Variants in CIROP observed in about 807,000 individuals in gnomAD.
The protein encoded by CIROP is leishmanolysin homolog.
chr14:23,101,292 C>T, the CIROP span: 1 of 493,714 alleles, frequency 2.0e-6, no homozygotes, highest in East Asian at 3.1e-5. Context: ...TGGTACCCAC[C>T]TGTATAACCT....
chr14:23,099,577 G>A, the CIROP span: 1 of 211,034 alleles, frequency 4.7e-6, no homozygotes, highest in African/African-American at 5.6e-5. Flanking sequence ...TTTTTTTTTT[G>A]GAGACAAGGT....
At chr14:23,104,944 A>G in the CIROP span, 1 of 675,262 alleles carries the variant, frequency 1.5e-6, no homozygotes, top group Non-Finnish European at 2.7e-6. Flanking sequence ...CTCTCCGTAG[A>G]TACAGCCTGG....
At chr14:23,103,742 G>A in the CIROP span, 1 of 703,016 alleles carries the variant, frequency 1.4e-6, no homozygotes, top group Non-Finnish European at 2.6e-6. Flanking sequence ...TTGGACCCCA[G>A]GCCCATCTGG....
the CIROP span, chr14:23,102,223 C>T: frequency 8.5e-6 from 6 of 702,904 alleles, no homozygotes; most frequent in East Asian, 1.1e-4. Flanking sequence ...CATTAAAGAA[C>T]CCTGGAGTAG....
the CIROP span, chr14:23,100,540 C>T: frequency 2.4e-6 from 1 of 411,916 alleles, no homozygotes; most frequent in Non-Finnish European, 4.4e-6. Context: ...CTCCATGATA[C>T]ACTTCTAGGG....
At chr14:23,104,225 T>C in the CIROP span, 1 of 638,032 alleles carries the variant, frequency 1.6e-6, no homozygotes, top group Non-Finnish European at 2.8e-6. Flanking sequence ...GATTTCAGTG[T>C]TGTTGACTCA....
At chr14:23,104,362 C>G in the CIROP span, 1 of 702,264 alleles carries the variant, frequency 1.4e-6, no homozygotes, top group South Asian at 1.5e-5. Flanking sequence ...GAATTACATA[C>G]ATTGTCAACG....
At chr14:23,099,388 G>T in the CIROP span, 1,838 of 413,404 alleles carry the variant, frequency 4.4e-3, 59 homozygotes, top group East Asian at 0.049. Context: ...CTGGTAGGCT[G>T]TGGTTCCCAT....
the CIROP span, chr14:23,100,384 T>G: frequency 2.4e-6 from 1 of 412,132 alleles, no homozygotes; most frequent in Non-Finnish European, 4.4e-6. Flanking sequence ...TAGGGATCTT[T>G]GTTCTCTGAA....
At chr14:23,101,213 G>A in the CIROP span, 298,644 of 427,532 alleles carry the variant, frequency 0.7, 108,665 homozygotes, top group East Asian at 0.81. Context: ...ATCAAAACAG[G>A]TTGGACAGTA....
At chr14:23,102,826 T>A in the CIROP span, 1 of 662,202 alleles carries the variant, frequency 1.5e-6, no homozygotes, top group Non-Finnish European at 2.7e-6. Flanking sequence ...CACCTTCTAT[T>A]CCATCCTCTG....
the CIROP span, chr14:23,104,869 C>T: frequency 1.4e-6 from 1 of 695,174 alleles, no homozygotes; most frequent in Non-Finnish European, 2.6e-6. Flanking sequence ...CTTGCAGCAA[C>T]CCTGAGGACT....
chr14:23,102,161 C>A, the CIROP span: 1 of 702,924 alleles, frequency 1.4e-6, no homozygotes, highest in Non-Finnish European at 2.6e-6. Flanking sequence ...TTGAAGGCAG[C>A]GAGGGTGATT....
the CIROP span, chr14:23,099,155 ATAT>A: frequency 2.4e-6 from 1 of 411,810 alleles, no homozygotes. Flanking sequence ...AGGCTATATA[ATAT>A]TGACAACCGG....
chr14:23,104,171 T>C, the CIROP span: 194 of 600,464 alleles, frequency 3.2e-4, no homozygotes, highest in East Asian at 4.9e-3. Context: ...TTTCCTCTCT[T>C]TACTATCTCT....
At chr14:23,101,899 T>G in the CIROP span, 16 of 702,124 alleles carry the variant, frequency 2.3e-5, no homozygotes, top group Non-Finnish European at 4.2e-5. Context: ...CAAGCCAAAT[T>G]CTGGGCCAGA....
the CIROP span, chr14:23,101,220 A>G: frequency 4.6e-6 from 2 of 436,948 alleles, no homozygotes; most frequent in East Asian, 3.3e-5. Context: ...CAGGTTGGAC[A>G]GTACCACCAT....
the CIROP span, chr14:23,104,169 CT>C: frequency 1.7e-6 from 1 of 598,240 alleles, no homozygotes; most frequent in Admixed American, 2.9e-5. Context: ...GTTTTCCTCT[CT>C]TTACTATCTC....
At chr14:23,102,051 G>C in the CIROP span, 2 of 701,560 alleles carry the variant, frequency 2.9e-6, no homozygotes, top group African/African-American at 3.5e-5. Context: ...GAGCTGACTT[G>C]GGTCATGAGT....
Sources: gnomAD v4.1 joint callset for allele counts on GRCh38, gnomAD v4.1.1 for gene constraint, MANE v1.5 for transcripts, NCBI Gene and HGNC (gene_info 2026-07-23, HGNC 2026-07-21) for gene names.